The following NCAM1 variants were observed in gnomAD, a reference collection of about 807,000 sequenced individuals.
The protein encoded by NCAM1 is neural cell adhesion molecule 1.
In NCAM1, 14 loss-of-function variants were observed where a neutral mutation model predicts 109.8. The ratio of observed to expected loss-of-function variants is 0.13; its 90% confidence interval spans 0.08 to 0.20. The LOEUF (loss-of-function observed/expected upper bound fraction) is 0.20, where lower values mean the gene tolerates loss of function less well. Among genes scored for constraint, NCAM1 ranks in the 10% least tolerant of loss-of-function variants. The pLI is 1.00. For missense variants in NCAM1, 774 were observed against 1,109.9 expected (o/e 0.70, Z 4.30); for synonymous variants, 418 against 442.9 (o/e 0.94, Z 0.70).
chr11:113,182,225 T>C (rs1943355440), intron 1 of NCAM1, among the ~76,000 whole-genome samples: 1 of 152,156 alleles, frequency 6.6e-6, no homozygotes, highest in East Asian at 1.9e-4. Context: ...GTCTGTCTCG[T>C]TCTCTATTTC....
At chr11:113,036,512 T>C (rs1952891445) in intron 1 of NCAM1, among the ~76,000 whole-genome samples, 2 of 152,164 alleles carry the variant, frequency 1.3e-5, no homozygotes, top group South Asian at 4.1e-4. Flanking sequence ...CTGCCCTTTC[T>C]GTGTTGCCGT....
At chr11:113,219,220 AAG>A (rs1944618152) in intron 8 of NCAM1, among the ~76,000 whole-genome samples, 3 of 152,212 alleles carry the variant, frequency 2.0e-5, no homozygotes, top group African/African-American at 7.2e-5. Flanking sequence ...TCCCACAAGT[AAG>A]AGAGAACTTT....
chr11:113,033,423 G>C (rs1555078616), intron 1 of NCAM1, among the ~76,000 whole-genome samples: 1 of 152,100 alleles, frequency 6.6e-6, no homozygotes, highest in South Asian at 2.1e-4. Context: ...AACAAGCGTG[G>C]AGACAGAATG....
chr11:113,238,560 C>T (rs1555118709), intron 14 of NCAM1, among the ~76,000 whole-genome samples: 1 of 152,080 alleles, frequency 6.6e-6, no homozygotes. Context: ...ACAAACCCAC[C>T]CTTTTGCTGC....
chr11:113,045,997 G>A (rs782208978), intron 1 of NCAM1, among the ~76,000 whole-genome samples: 15 of 152,156 alleles, frequency 9.9e-5, no homozygotes, highest in Non-Finnish European at 1.9e-4. Flanking sequence ...ATGAATTGTG[G>A]TATGTTTCTA....
At chr11:113,112,289 G>T (rs555124805) in intron 1 of NCAM1, among the ~76,000 whole-genome samples, 1 of 152,076 alleles carries the variant, frequency 6.6e-6, no homozygotes, top group East Asian at 1.9e-4. Flanking sequence ...TTTACCATTC[G>T]AAACTTACTC....
At chr11:113,067,132 G>C (rs1346102357) in intron 1 of NCAM1, among the ~76,000 whole-genome samples, 3 of 152,142 alleles carry the variant, frequency 2.0e-5, no homozygotes, top group Non-Finnish European at 4.4e-5. Flanking sequence ...CTACAGGAGA[G>C]GCTGTGTTTC....
At chr11:113,242,077 G>A (rs1364302729) in intron 14 of NCAM1, among the ~76,000 whole-genome samples, 1 of 152,238 alleles carries the variant, frequency 6.6e-6, no homozygotes, top group East Asian at 1.9e-4. Context: ...CCTAGGATAA[G>A]TCGCTAAGCC....
chr11:113,069,222 A>C (rs1938142487), intron 1 of NCAM1, among the ~76,000 whole-genome samples: 1 of 152,100 alleles, frequency 6.6e-6, no homozygotes, highest in Non-Finnish European at 1.5e-5. Context: ...AAAACGAGGC[A>C]CTCAAACTCA....
intron 17 of NCAM1, among the ~76,000 whole-genome samples, chr11:113,265,862 A>G (rs782790497): frequency 3.3e-5 from 5 of 152,180 alleles, no homozygotes; most frequent in Non-Finnish European, 7.3e-5. Context: ...TGTGAGACCC[A>G]TGTTCCTATA....
At chr11:113,263,243 T>G in intron 17 of NCAM1, 1 of 1,052,300 alleles carries the variant, frequency 9.5e-7, no homozygotes, top group Non-Finnish European at 1.1e-6. Flanking sequence ...TATCTGCTAC[T>G]TGTTGCATTT....
intron 9 of NCAM1, among the ~76,000 whole-genome samples, chr11:113,230,545 T>C (rs1226249913): frequency 6.6e-5 from 10 of 152,210 alleles, no homozygotes; most frequent in African/African-American, 2.4e-4. Context: ...CTGGCTGCTG[T>C]ATGACATTGC....
At chr11:113,214,590 T>C in intron 8 of NCAM1, 79 bp downstream of exon 8, 2 of 1,470,702 alleles carry the variant, frequency 1.4e-6, no homozygotes, top group Non-Finnish European at 1.8e-6. Flanking sequence ...CCAGTTCTCT[T>C]TGGGGAGCTG....
chr11:113,249,317 T>C (rs1945591497), intron 15 of NCAM1, among the ~76,000 whole-genome samples: 1 of 152,216 alleles, frequency 6.6e-6, no homozygotes, highest in African/African-American at 2.4e-5. Flanking sequence ...GTTTCTGCTC[T>C]AATTGCCTTT....
intron 8 of NCAM1, among the ~76,000 whole-genome samples, chr11:113,215,502 TAG>T (rs1555114262): frequency 6.6e-6 from 1 of 152,166 alleles, no homozygotes; most frequent in East Asian, 1.9e-4. Context: ...AGGAAATCTC[TAG>T]AGAGAGTAAA....
intron 1 of NCAM1, among the ~76,000 whole-genome samples, chr11:112,964,155 G>GGTT (rs1950662506): frequency 9.3e-6 from 1 of 107,462 alleles, no homozygotes; most frequent in Non-Finnish European, 1.7e-5. Flanking sequence ...TTTTTTTTTT[G>GGTT]TTTTTTTTTT....
At chr11:113,199,940 A>T (rs1374631939) in intron 1 of NCAM1, among the ~76,000 whole-genome samples, 1 of 151,492 alleles carries the variant, frequency 6.6e-6, no homozygotes, top group Non-Finnish European at 1.5e-5. Context: ...TGGCCCAGAG[A>T]TAGATCCTGG....
intron 1 of NCAM1, among the ~76,000 whole-genome samples, chr11:113,114,244 G>C (rs1340308951): frequency 6.6e-6 from 1 of 152,190 alleles, no homozygotes; most frequent in Admixed American, 6.5e-5. Context: ...CGGAGTCAGA[G>C]ACACAAATAG....
At chr11:113,019,016 G>T (rs1952299098) in intron 1 of NCAM1, among the ~76,000 whole-genome samples, 1 of 151,950 alleles carries the variant, frequency 6.6e-6, no homozygotes, top group African/African-American at 2.4e-5. Flanking sequence ...CCCTATCTTT[G>T]CTCTGGTCAT....
Sources: gnomAD v4.1 joint callset for allele counts (sites outside exome capture counted in the v4.1 genomes callset) on GRCh38, gnomAD v4.1.1 for gene constraint, MANE v1.5 for transcripts, NCBI Gene and HGNC (gene_info 2026-07-23, HGNC 2026-07-21) for gene names.